Variants in ALOXE3 observed in about 807,000 individuals in gnomAD.
The protein encoded by ALOXE3 is hydroperoxide isomerase ALOXE3.
A neutral mutation model predicts 87.5 loss-of-function variants in ALOXE3; 78 were observed. The observed-to-expected ratio is 0.89, with a 90% CI of 0.74 to 1.08. ALOXE3 has a LOEUF of 1.08. ALOXE3 is among the 50% of genes least tolerant of loss of function. ALOXE3 has a pLI of 0.00. For synonymous variants in ALOXE3, 363 were observed against 370.8 expected (o/e 0.98, Z 0.24); for missense variants, 946 against 912.4 (o/e 1.04, Z -0.47).
intron 15 of ALOXE3, among the ~76,000 whole-genome samples, chr17:8,098,977 AG>A (rs1320496077): frequency 6.6e-6 from 1 of 150,486 alleles, no homozygotes; most frequent in Non-Finnish European, 1.5e-5. Context: ...CAGCCACCCG[AG>A]TAGCTGGGAT....
At chr17:8,118,556 C>T (rs1239842642), upstream of ALOXE3, 36 of 1,527,036 alleles carry the variant, frequency 2.4e-5, no homozygotes, top group East Asian at 8.6e-4. Flanking sequence ...TCATAAATCA[C>T]ACGTGACTGC....
At chr17:8,100,221 G>T (rs550024810) in intron 15 of ALOXE3, among the ~76,000 whole-genome samples, 3 of 152,158 alleles carry the variant, frequency 2.0e-5, no homozygotes, top group African/African-American at 7.2e-5. Flanking sequence ...GAAGAAATCT[G>T]AAAGCTTGTT....
intron 13 of ALOXE3, among the ~76,000 whole-genome samples, chr17:8,107,276 G>A (rs1286131700): frequency 3.3e-5 from 5 of 152,208 alleles, no homozygotes; most frequent in Non-Finnish European, 7.3e-5. Flanking sequence ...CAGTACTTCG[G>A]GAGGCCGAGG....
upstream of ALOXE3, chr17:8,118,805 C>T (rs1980842512): frequency 6.5e-7 from 1 of 1,536,884 alleles, no homozygotes; most frequent in Non-Finnish European, 8.7e-7. Flanking sequence ...CCGCCCTGGG[C>T]CTGCAGGATC....
Position 8,103,481 on chromosome 17 carries a change from C to G in ALOXE3, c.1798G>C (p.Ala600Pro). The G allele has an allele frequency of 6.2e-7, 1 of 1,614,036 alleles. No homozygotes were observed. The highest frequency in any genetic ancestry group is 8.5e-7 in the Non-Finnish European group (1 of 1,179,990). ...GATGATGGAGCATTGGGCATCCAGG[C>G]CCCAAAGTCATGCTGTGGAGACCCC... is the stretch of plus-strand genomic sequence containing the variant. ...AVNSGQHDFGAWMPNAPSSMR... is the reference protein window; with the variant it reads ...AVNSGQHDFGPWMPNAPSSMR... Residue 600 changes from alanine (A) to proline (P), a missense_variant, in exon 15 of 16, where the codon GCC becomes CCC. Physicochemically the swap from Ala to Pro is conservative, Grantham distance 27. Transcript: ENST00000448843.
At chr17:8,114,397 A>C in intron 6 of ALOXE3, 87 bp downstream of exon 6, 1 of 1,575,208 alleles carries the variant, frequency 6.3e-7, no homozygotes. Flanking sequence ...GATACTGGGA[A>C]TAGGGAGAAG....
chr17:8,118,605 T>G, upstream of ALOXE3: 16 of 1,533,056 alleles, frequency 1.0e-5, no homozygotes, highest in Non-Finnish European at 1.3e-5. Context: ...TTCCAGCACA[T>G]GTCAAATGGT....
chr17:8,117,084 A>G, intron 2 of ALOXE3, 104 bp from the exon 3 acceptor site: 1 of 1,061,158 alleles, frequency 9.4e-7, no homozygotes, highest in Non-Finnish European at 1.4e-6. Flanking sequence ...GGGCATACAA[A>G]CCTGAGCTGC....
chr17:8,096,490 T>A lies in ALOXE3; in HGVS notation c.*137A>T. On this transcript the variant is annotated 3_prime_UTR_variant, in exon 16 of 16. Coordinates refer to ENST00000448843, the MANE Select transcript of ALOXE3 (RefSeq NM_021628.3). ...TGTATGATGTCAGAGCCATCTTGGCTGCAAAAGTCTCCATGTGCAGAAGAG... is the reference window on the plus strand; with the variant it reads ...TGTATGATGTCAGAGCCATCTTGGCAGCAAAAGTCTCCATGTGCAGAAGAG... 1.4e-6 allele frequency: 1 copy of A among 709,760 alleles called. No homozygotes were observed. Among genetic ancestry groups the A allele is most frequent in the Non-Finnish European group, 2.6e-6 (1 of 385,422 alleles). 44.0% of individuals were successfully genotyped at this position (709,760 alleles called of 1,614,324 possible).
intron 13 of ALOXE3, among the ~76,000 whole-genome samples, chr17:8,107,834 A>AAAGG (rs1979474370): frequency 2.1e-4 from 1 of 4,794 alleles, no homozygotes; most frequent in African/African-American, 6.5e-4. Flanking sequence ...AGAAAGAAAG[A>AAAGG]AAGAAAGAAA....
Position 8,110,371 on chromosome 17 carries a change from G to GGCC in ALOXE3, c.1101+13_1101+14insGGC, listed in dbSNP as rs1979954363. 1 of 1,604,116 alleles carries GGCC rather than the reference G, an allele frequency of 6.2e-7. No individual in the cohort carries two copies. Among genetic ancestry groups the GGCC allele is most frequent in the Non-Finnish European group, 8.5e-7 (1 of 1,173,712 alleles). On this transcript the variant is annotated intron_variant, in intron 9 of 15. Transcript: ENST00000448843. Reference sequence around the variant, plus strand: ...ACCTGAGCCCCCATCCCGGGGCGGCGGCGCCGGGCTCACCTGGATGGCCAA... The same window carrying GGCC: ...ACCTGAGCCCCCATCCCGGGGCGGCGGCCGCGCCGGGCTCACCTGGATGGCCAA...
Position 8,111,517 on chromosome 17 carries a change from G to C in ALOXE3, c.799C>G (p.His267Asp). The C allele has an allele frequency of 6.2e-7, 1 of 1,614,216 alleles. No individual in the cohort carries two copies. The highest frequency in any genetic ancestry group is 8.5e-7 in the Non-Finnish European group (1 of 1,180,036). The change falls in exon 8 of 16, where the codon CAC becomes GAC. Residue 267 changes from histidine (H) to aspartate (D), a missense_variant. His to Asp is a moderately conservative substitution (Grantham distance 81). Coordinates refer to ENST00000448843, the MANE Select transcript of ALOXE3 (RefSeq NM_021628.3). ...CCAAAGAAGTGATCTTCACACCAGT[G>C]CTCTGTGACATACTCTGGGATACAA... ...KTFTTKYVTE[H>D]WCEDHFFGYQ...
At chr17:8,107,955 A>G (rs866621780) in intron 13 of ALOXE3, among the ~76,000 whole-genome samples, 4 of 3,992 alleles carry the variant, frequency 1.0e-3, no homozygotes, top group East Asian at 3.5e-3. Context: ...GAAAGAAAGA[A>G]AGAAAGGAAG....
intron 15 of ALOXE3, among the ~76,000 whole-genome samples, chr17:8,100,271 C>T (rs888203586): frequency 1.3e-5 from 2 of 152,052 alleles, no homozygotes; most frequent in Non-Finnish European, 1.5e-5. Context: ...TGAGGAAGTC[C>T]AGCTATCCTG....
intron 2 of ALOXE3, 43 bp downstream of exon 2, chr17:8,117,801 C>G: frequency 6.3e-7 from 1 of 1,598,280 alleles, no homozygotes; most frequent in Non-Finnish European, 8.5e-7. Context: ...CCTGCGGCCC[C>G]TGCCCCTCTG....
chr17:8,114,733 T>C, intron 5 of ALOXE3, 124 bp from the exon 6 acceptor site: 2 of 1,494,140 alleles, frequency 1.3e-6, no homozygotes, highest in Non-Finnish European at 1.8e-6. Flanking sequence ...GCTCCTCCCC[T>C]GCCCTCTCTG....
intron 5 of ALOXE3, 118 bp downstream of exon 5, chr17:8,114,820 G>T (rs756645755): frequency 5.3e-6 from 8 of 1,518,010 alleles, no homozygotes; most frequent in African/African-American, 1.4e-5. Flanking sequence ...CCTGATGCTT[G>T]AATGAAACTG....
intron 13 of ALOXE3, among the ~76,000 whole-genome samples, chr17:8,105,204 C>T (rs878997546): frequency 6.6e-6 from 1 of 152,198 alleles, no homozygotes; most frequent in Admixed American, 6.5e-5. Context: ...TCCTTCCTGG[C>T]TGTTCACTTA....
At chr17:8,108,651 C>A in intron 12 of ALOXE3, 62 bp from the exon 13 acceptor site, 1 of 1,590,378 alleles carries the variant, frequency 6.3e-7, no homozygotes. Context: ...GCCAGGAAAC[C>A]GAGGCCCACT....
Sources: gnomAD v4.1 joint callset for allele counts (sites outside exome capture counted in the v4.1 genomes callset) on GRCh38, gnomAD v4.1.1 for gene constraint, MANE v1.5 for transcripts, NCBI Gene and HGNC (gene_info 2026-07-23, HGNC 2026-07-21) for gene names.